The following DLC1 variants were observed in gnomAD, a reference collection of about 807,000 sequenced individuals.
DLC1 encodes rho GTPase-activating protein 7.
A neutral mutation model predicts 140.3 loss-of-function variants in DLC1; 54 were observed. The observed-to-expected ratio is 0.38, with a 90% CI of 0.31 to 0.48. The LOEUF (loss-of-function observed/expected upper bound fraction) is 0.48, where lower values mean the gene tolerates loss of function less well. DLC1 is among the 20% of genes least tolerant of loss of function. The pLI is 0.96. For synonymous variants in DLC1, 986 were observed against 728.1 expected (o/e 1.35, Z -5.70); for missense variants, 2,536 against 1,907.0 (o/e 1.33, Z -6.14).
At chr8:13,389,402 G>C (rs563998953) in intron 4 of DLC1, among the ~76,000 whole-genome samples, 1 of 151,992 alleles carries the variant, frequency 6.6e-6, no homozygotes, top group East Asian at 1.9e-4. Context: ...ACAAGGGCTC[G>C]CGGGTTGTTT....
At chr8:13,388,803 G>GAT (rs1388757881) in intron 4 of DLC1, among the ~76,000 whole-genome samples, 2 of 151,880 alleles carry the variant, frequency 1.3e-5, no homozygotes, top group Admixed American at 1.3e-4. Flanking sequence ...ATCTGTGGTG[G>GAT]ATATATGATT....
intron 5 of DLC1, among the ~76,000 whole-genome samples, chr8:13,173,662 G>T (rs1272114319): frequency 2.6e-5 from 4 of 152,126 alleles, no homozygotes; most frequent in Admixed American, 2.0e-4. Context: ...GAGCCACCGC[G>T]CCCGGCCTGT....
chr8:13,115,745 A>T (rs1315457241), intron 5 of DLC1, 88 bp from the exon 6 acceptor site: 1 of 1,218,858 alleles, frequency 8.2e-7, no homozygotes, highest in Non-Finnish European at 1.2e-6. Flanking sequence ...TTATGATACA[A>T]GCAAAACATG....
In DLC1 at chr8:13,453,402, GTGTATATATATATATATATATGTGT is replaced by G. The variant is rs1563359479; in HGVS notation, c.1023+45622_1023+45646del. ...GATGGCCCAGGATATATATATATAT[GTGTATATATATATATATATATGTGT>G]ATATATATATGTATATATATACATA... is the stretch of plus-strand genomic sequence containing the variant. On this transcript the variant is annotated intron_variant, in intron 2 of 17. Transcript: ENST00000276297. Among the ~76,000 whole-genome samples, 10 of 20,816 alleles carry G rather than the reference GTGTATATATATATATATATATGTGT, an allele frequency of 4.8e-4. 1 individual carries two copies. The highest frequency in any genetic ancestry group is 1.7e-3 in the African/African-American group (8 of 4,796). The allele number at this position is 20,816 out of a possible 152,430, so 13.7% of individuals were successfully genotyped here. A position where few individuals can be genotyped will look rare whatever the true frequency, so the allele number is the denominator to read the frequency against.
At chr8:13,559,041 A>G (rs1266839615) in intron 1 of DLC1, 2 of 152,254 alleles carry the variant, frequency 1.3e-5, no homozygotes, top group Non-Finnish European at 2.9e-5. Flanking sequence ...ACTTTGGTGC[A>G]TGAAATTTAG....
chr8:13,159,780 T>C (rs552270275), intron 5 of DLC1, among the ~76,000 whole-genome samples: 11 of 143,006 alleles, frequency 7.7e-5, no homozygotes, highest in African/African-American at 2.4e-4. Flanking sequence ...TTCCAGGGAG[T>C]GTGTGAATCT....
At chr8:13,379,659 C>G (rs895415214) in intron 4 of DLC1, among the ~76,000 whole-genome samples, 10 of 152,084 alleles carry the variant, frequency 6.6e-5, no homozygotes, top group African/African-American at 2.4e-4. Context: ...TATTTTACTT[C>G]AAGTTCTGGG....
At chr8:13,114,810 A>G (rs1003121785) in intron 6 of DLC1, among the ~76,000 whole-genome samples, 5 of 152,232 alleles carry the variant, frequency 3.3e-5, no homozygotes, top group Admixed American at 1.3e-4. Flanking sequence ...ATATCATTTT[A>G]TATCCATTTG....
chr8:13,102,130 T>G (rs928554212), intron 8 of DLC1, among the ~76,000 whole-genome samples: 1 of 152,234 alleles, frequency 6.6e-6, no homozygotes, highest in Admixed American at 6.5e-5. Context: ...GTCAGAAATA[T>G]GTTCTTTGAC....
intron 5 of DLC1, among the ~76,000 whole-genome samples, chr8:13,188,797 G>GTA (rs1222206415): frequency 1.3e-5 from 1 of 79,940 alleles, no homozygotes; most frequent in African/African-American, 5.4e-5. Flanking sequence ...GTGTGTGTGT[G>GTA]TGTGTATATA....
At chr8:13,481,567 C>T (rs555317582) in intron 2 of DLC1, among the ~76,000 whole-genome samples, 5 of 152,232 alleles carry the variant, frequency 3.3e-5, no homozygotes, top group South Asian at 2.1e-4. Context: ...GAAGGAGAAG[C>T]TTTGAGCAAG....
intron 5 of DLC1, among the ~76,000 whole-genome samples, chr8:13,191,074 A>T (rs918681190): frequency 6.6e-6 from 1 of 152,232 alleles, no homozygotes; most frequent in Non-Finnish European, 1.5e-5. Flanking sequence ...CAGCTCCACA[A>T]GAAAATTCAA....
At chr8:13,276,097 A>G (rs1382017975) in intron 5 of DLC1, among the ~76,000 whole-genome samples, 1 of 152,230 alleles carries the variant, frequency 6.6e-6, no homozygotes, top group Non-Finnish European at 1.5e-5. Context: ...CATCAAGGTT[A>G]AATACTAGAG....
intron 5 of DLC1, among the ~76,000 whole-genome samples, chr8:13,277,361 C>G (rs895228854): frequency 6.6e-6 from 1 of 152,164 alleles, no homozygotes; most frequent in Non-Finnish European, 1.5e-5. Context: ...AAACAAAATA[C>G]TGATCAGCTC....
At chr8:13,447,915 A>G (rs1333118530) in intron 2 of DLC1, among the ~76,000 whole-genome samples, 1 of 152,212 alleles carries the variant, frequency 6.6e-6, no homozygotes, top group Non-Finnish European at 1.5e-5. Flanking sequence ...GGAAACAAAT[A>G]TGCCCATTCA....
At chr8:13,237,393 T>C (rs1554478102) in intron 5 of DLC1, among the ~76,000 whole-genome samples, 1 of 151,524 alleles carries the variant, frequency 6.6e-6, no homozygotes, top group Non-Finnish European at 1.5e-5. Flanking sequence ...GTATTTGTGA[T>C]TATGTATGAA....
At chr8:13,436,657 G>C (rs959471899) in intron 2 of DLC1, among the ~76,000 whole-genome samples, 1 of 152,096 alleles carries the variant, frequency 6.6e-6, no homozygotes, top group African/African-American at 2.4e-5. Flanking sequence ...ACAGACGAAC[G>C]GAGGAGGAAA....
intron 5 of DLC1, among the ~76,000 whole-genome samples, chr8:13,189,498 AC>A (rs2117018223): frequency 6.6e-6 from 1 of 152,202 alleles, no homozygotes; most frequent in South Asian, 2.1e-4. Context: ...TAGTGTAGTG[AC>A]AATACTCAGG....
intron 2 of DLC1, among the ~76,000 whole-genome samples, chr8:13,406,620 T>C (rs987917603): frequency 6.6e-6 from 1 of 152,170 alleles, no homozygotes; most frequent in Non-Finnish European, 1.5e-5. Context: ...TTATTTCTCA[T>C]ATGACATGTT....
Sources: allele counts gnomAD v4.1 joint callset (sites outside exome capture counted in the v4.1 genomes callset), GRCh38; gene constraint gnomAD v4.1.1; transcripts MANE v1.5; gene names NCBI Gene and HGNC (gene_info 2026-07-23, HGNC 2026-07-21).